Variants in DCLK1 observed in about 807,000 individuals in gnomAD.
DCLK1 encodes serine/threonine-protein kinase DCLK1.
In DCLK1, 16 loss-of-function variants were observed where a neutral mutation model predicts 86.2. That is an observed-to-expected ratio of 0.19 (90% CI 0.13 to 0.28). DCLK1 has a LOEUF of 0.28. Ranked by LOEUF, DCLK1 falls within the 10% of genes least tolerant of loss-of-function variation. The probability of loss-of-function intolerance (pLI) is 1.00; values close to 1 mark genes in which losing one functional copy is unlikely to be tolerated. For missense variants in DCLK1, 590 were observed against 940.2 expected, an observed-to-expected ratio of 0.63 and a Z score of 4.87; for synonymous variants, 369 against 370.5, an observed-to-expected ratio of 1.00 and a Z score of 0.05.
chr13:36,067,579 A>T (rs1883806915), intron 3 of DCLK1, among the ~76,000 whole-genome samples: 1 of 151,984 alleles, frequency 6.6e-6, no homozygotes, highest in Non-Finnish European at 1.5e-5. Flanking sequence ...TTAAAAAATA[A>T]AAATAAAAAT....
At chr13:35,904,799 G>A (rs948054161) in intron 4 of DCLK1, among the ~76,000 whole-genome samples, 26 of 152,224 alleles carry the variant, frequency 1.7e-4, no homozygotes, top group Non-Finnish European at 1.2e-4. Flanking sequence ...AGCATGTACA[G>A]TAGGCAGCAA....
intron 3 of DCLK1, among the ~76,000 whole-genome samples, chr13:36,060,805 A>G (rs538304411): frequency 7.9e-5 from 12 of 152,312 alleles, no homozygotes; most frequent in Admixed American, 5.2e-4. Flanking sequence ...AGTTGTGGCC[A>G]TAACTCAGAC....
At chr13:36,035,978 G>A (rs994099682) in intron 3 of DCLK1, among the ~76,000 whole-genome samples, 2 of 152,012 alleles carry the variant, frequency 1.3e-5, no homozygotes, top group Non-Finnish European at 2.9e-5. Flanking sequence ...ATTGAGCTAG[G>A]AGGAGGGACT....
At chr13:35,823,412 CTG>C (rs1251213106) in intron 10 of DCLK1, among the ~76,000 whole-genome samples, 1 of 151,948 alleles carries the variant, frequency 6.6e-6, no homozygotes, top group Non-Finnish European at 1.5e-5. Context: ...ATTTAGCTCT[CTG>C]AGAGTGGGCA....
At chr13:35,936,961 GCTTTT>G (rs1332117343) in intron 4 of DCLK1, among the ~76,000 whole-genome samples, 1 of 91,560 alleles carries the variant, frequency 1.1e-5, no homozygotes, top group African/African-American at 3.8e-5. Context: ...AGAAAAGTTA[GCTTTT>G]TTTTTTTTTT....
chr13:36,043,105 A>C (rs1040959722), intron 3 of DCLK1, among the ~76,000 whole-genome samples: 3 of 152,202 alleles, frequency 2.0e-5, no homozygotes, highest in Non-Finnish European at 4.4e-5. Flanking sequence ...TTCTTTAAAA[A>C]AATTCTTGAA....
At chr13:36,043,821 G>T (rs1882780456) in intron 3 of DCLK1, among the ~76,000 whole-genome samples, 1 of 152,148 alleles carries the variant, frequency 6.6e-6, no homozygotes. Flanking sequence ...AGATGAACAA[G>T]TTCTCACAAT....
chr13:35,854,062 C>A (rs1308505124), intron 6 of DCLK1, among the ~76,000 whole-genome samples: 1 of 152,144 alleles, frequency 6.6e-6, no homozygotes, highest in Non-Finnish European at 1.5e-5. Context: ...CATAGGTTCC[C>A]ATCCCCTACC....
At chr13:35,843,720 T>G (rs1310040008) in intron 6 of DCLK1, among the ~76,000 whole-genome samples, 4 of 152,234 alleles carry the variant, frequency 2.6e-5, no homozygotes, top group African/African-American at 9.6e-5. Context: ...CATTTCCACT[T>G]CACATTTTAT....
intron 3 of DCLK1, among the ~76,000 whole-genome samples, chr13:36,105,138 TC>T (rs1269368228): frequency 6.6e-6 from 1 of 152,222 alleles, no homozygotes; most frequent in African/African-American, 2.4e-5. Flanking sequence ...TAATGAGTAT[TC>T]AAGTCAGGAT....
intron 4 of DCLK1, among the ~76,000 whole-genome samples, chr13:35,927,489 G>A (rs977758565): frequency 1.3e-5 from 2 of 152,152 alleles, no homozygotes; most frequent in Admixed American, 6.5e-5. Context: ...CATTGTTTTT[G>A]TTACACCGTT....
At chr13:36,037,526 C>T (rs565741382) in intron 3 of DCLK1, among the ~76,000 whole-genome samples, 56 of 152,170 alleles carry the variant, frequency 3.7e-4, no homozygotes, top group Middle Eastern at 3.4e-3. Context: ...CTCTGTTGCC[C>T]AGGCTGGAGT....
chr13:35,819,046 GTAT>G (rs2087335189), intron 11 of DCLK1, among the ~76,000 whole-genome samples: 1 of 152,036 alleles, frequency 6.6e-6, no homozygotes, highest in Non-Finnish European at 1.5e-5. Flanking sequence ...GTTCATAGAA[GTAT>G]CACTCATTCA....
At chr13:35,803,055 T>A (rs1293021690) in intron 15 of DCLK1, among the ~76,000 whole-genome samples, 1 of 152,236 alleles carries the variant, frequency 6.6e-6, no homozygotes, top group Non-Finnish European at 1.5e-5. Context: ...TACCATGTTT[T>A]CATGTGTAAC....
intron 4 of DCLK1, among the ~76,000 whole-genome samples, chr13:35,925,031 C>A (rs924905954): frequency 1.3e-4 from 20 of 152,172 alleles, no homozygotes; most frequent in Non-Finnish European, 2.4e-4. Context: ...TAAATTTAGA[C>A]AAGCTCTTTT....
At chr13:35,920,762 T>C (rs1875752899) in intron 4 of DCLK1, among the ~76,000 whole-genome samples, 1 of 152,086 alleles carries the variant, frequency 6.6e-6, no homozygotes. Context: ...ACACCTGCTC[T>C]GGGGTCATCT....
chr13:35,855,086 G>T (rs888347728), intron 5 of DCLK1, among the ~76,000 whole-genome samples: 1 of 152,110 alleles, frequency 6.6e-6, no homozygotes, highest in Non-Finnish European at 1.5e-5. Context: ...CCTGTGTCTT[G>T]TCCATCCCCC....
chr13:36,063,286 C>T (rs1593857179), intron 3 of DCLK1, among the ~76,000 whole-genome samples: 1 of 152,094 alleles, frequency 6.6e-6, no homozygotes, highest in Non-Finnish European at 1.5e-5. Context: ...AGTTCTTCCT[C>T]TCCTATCCCA....
chr13:35,803,070 G>T (rs1247221381), intron 15 of DCLK1, among the ~76,000 whole-genome samples: 2 of 152,140 alleles, frequency 1.3e-5, no homozygotes, highest in African/African-American at 2.4e-5. Flanking sequence ...TGTAACAAAG[G>T]GTGGGGTAGA....
Sources: allele counts gnomAD v4.1 joint callset (sites outside exome capture counted in the v4.1 genomes callset), GRCh38; gene constraint gnomAD v4.1.1; transcripts MANE v1.5; gene names NCBI Gene and HGNC (gene_info 2026-07-23, HGNC 2026-07-21).